Variants in PTPRD observed in about 807,000 individuals in gnomAD.
The protein encoded by PTPRD is protein tyrosine phosphatase receptor type D, also known as receptor-type tyrosine-protein phosphatase delta.
Under a neutral mutation model 214.5 loss-of-function variants are expected in PTPRD, and 34 were observed. The observed-to-expected ratio is 0.16, with a 90% CI of 0.12 to 0.21. The LOEUF (loss-of-function observed/expected upper bound fraction) is 0.21, where lower values mean the gene tolerates loss of function less well. Among genes scored for constraint, PTPRD ranks in the 10% least tolerant of loss-of-function variants. The probability of loss-of-function intolerance (pLI) is 1.00; values close to 1 mark genes in which losing one functional copy is unlikely to be tolerated. For synonymous variants in PTPRD, 1,128 were observed against 845.7 expected (o/e 1.33, Z -5.79); for missense variants, 2,545 against 2,398.7 (o/e 1.06, Z -1.27).
chr9:9,392,447 G>C (rs1341372554), intron 9 of PTPRD, among the ~76,000 whole-genome samples: 1 of 152,144 alleles, frequency 6.6e-6, no homozygotes, highest in Non-Finnish European at 1.5e-5. Context: ...ATTCAACTGA[G>C]ATAAAATTGT....
intron 2 of PTPRD, among the ~76,000 whole-genome samples, chr9:10,472,452 A>T (rs2099037063): frequency 6.7e-6 from 1 of 149,238 alleles, no homozygotes; most frequent in East Asian, 1.9e-4. Context: ...TCTTTAACAT[A>T]GGATGTCTGG....
chr9:8,602,373 C>G (rs1168434081), intron 14 of PTPRD, among the ~76,000 whole-genome samples: 4 of 152,138 alleles, frequency 2.6e-5, no homozygotes, highest in African/African-American at 9.7e-5. Context: ...GGTGGTGCTT[C>G]TTCTCTCCAC....
At chr9:8,506,551 AG>A (rs1160439319) in intron 22 of PTPRD, among the ~76,000 whole-genome samples, 1 of 152,200 alleles carries the variant, frequency 6.6e-6, no homozygotes, top group Non-Finnish European at 1.5e-5. Flanking sequence ...CACTAGTGCG[AG>A]ACTTTGAGCA....
intron 8 of PTPRD, among the ~76,000 whole-genome samples, chr9:9,539,249 G>A (rs992958333): frequency 6.6e-5 from 10 of 151,936 alleles, no homozygotes; most frequent in African/African-American, 2.2e-4. Flanking sequence ...ATCAGTGGCA[G>A]GTACCTAGGC....
chr9:9,892,459 G>C (rs1401090688), intron 5 of PTPRD, among the ~76,000 whole-genome samples: 2 of 152,114 alleles, frequency 1.3e-5, no homozygotes, highest in Non-Finnish European at 2.9e-5. Context: ...CAGTGAGCCA[G>C]ACGGAAAGTA....
intron 6 of PTPRD, among the ~76,000 whole-genome samples, chr9:9,754,291 G>A (rs1048478176): frequency 6.6e-6 from 1 of 151,994 alleles, no homozygotes; most frequent in East Asian, 1.9e-4. Context: ...TACACGCCCC[G>A]TAATGAAGAA....
At chr9:8,570,227 G>A in intron 14 of PTPRD, among the ~76,000 whole-genome samples, 1 of 151,956 alleles carries the variant, frequency 6.6e-6, no homozygotes, top group East Asian at 1.9e-4. Context: ...AACAGTAATG[G>A]TCATAATAAA....
At chr9:10,347,271 C>T (rs371953383) in intron 2 of PTPRD, among the ~76,000 whole-genome samples, 1 of 152,092 alleles carries the variant, frequency 6.6e-6, no homozygotes, top group Non-Finnish European at 1.5e-5. Flanking sequence ...TTTTTCCTCT[C>T]AAATTATTTC....
chr9:9,223,120 A>T (rs7041871), intron 9 of PTPRD, among the ~76,000 whole-genome samples: 135,870 of 152,010 alleles, frequency 0.89, 61,372 homozygotes, highest in Non-Finnish European at 0.96. Context: ...GCACTAATAC[A>T]GTATTATAGA....
chr9:10,365,114 A>G (rs1368829053), intron 2 of PTPRD, among the ~76,000 whole-genome samples: 2 of 152,178 alleles, frequency 1.3e-5, no homozygotes, highest in African/African-American at 2.4e-5. Flanking sequence ...TGAAGGACTC[A>G]TCATCTCTTC....
intron 5 of PTPRD, among the ~76,000 whole-genome samples, chr9:9,921,645 T>C (rs2082570222): frequency 6.6e-6 from 1 of 151,804 alleles, no homozygotes; most frequent in Non-Finnish European, 1.5e-5. Context: ...ATTTTTTTTT[T>C]TTTAAACAAA....
chr9:8,315,185 A>ACAT lies in PTPRD; in HGVS notation c.*2686_*2688dup, dbSNP rs1226146211. 10 of 232,698 alleles carry ACAT rather than the reference A, an allele frequency of 4.3e-5. No homozygotes were observed. The highest frequency in any genetic ancestry group is 8.5e-5 in the Non-Finnish European group (10 of 117,440). 14.4% of individuals were successfully genotyped at this position (232,698 alleles called of 1,614,324 possible). On this transcript the variant is annotated 3_prime_UTR_variant, in exon 46 of 46. Coordinates refer to ENST00000381196, the MANE Select transcript of PTPRD (RefSeq NM_002839.4). ...TACAGAAAAGCACAGAGTGGAATGCACATCAATGACAGTAAGGGAGTTAGT... is the reference window on the plus strand; with the variant it reads ...TACAGAAAAGCACAGAGTGGAATGCACATCATCAATGACAGTAAGGGAGTTAGT...
chr9:8,813,227 A>C (rs901552605), intron 11 of PTPRD, among the ~76,000 whole-genome samples: 5 of 152,072 alleles, frequency 3.3e-5, no homozygotes, highest in Admixed American at 6.6e-5. Flanking sequence ...TTAAGTCTGC[A>C]TATGAGACCA....
intron 11 of PTPRD, among the ~76,000 whole-genome samples, chr9:8,832,181 A>G (rs2097308332): frequency 6.6e-6 from 1 of 151,894 alleles, no homozygotes; most frequent in South Asian, 2.1e-4. Context: ...GTACCTAAAT[A>G]TATTTAAGAA....
At chr9:10,459,784 T>C (rs1201587300) in intron 2 of PTPRD, among the ~76,000 whole-genome samples, 1 of 152,064 alleles carries the variant, frequency 6.6e-6, no homozygotes, top group Non-Finnish European at 1.5e-5. Context: ...AAGTTCCTTG[T>C]GGATTCTGGA....
intron 10 of PTPRD, among the ~76,000 whole-genome samples, chr9:9,115,449 G>C (rs953659350): frequency 2.6e-5 from 4 of 152,208 alleles, no homozygotes; most frequent in Admixed American, 6.5e-5. Context: ...ACCCCAGCCA[G>C]AATGGCTTTT....
chr9:10,522,292 G>C (rs1006141431), intron 2 of PTPRD, among the ~76,000 whole-genome samples: 2 of 152,080 alleles, frequency 1.3e-5, no homozygotes, highest in South Asian at 2.1e-4. Context: ...TAAAATATGA[G>C]GCTCTGAATA....
intron 35 of PTPRD, among the ~76,000 whole-genome samples, chr9:8,435,587 G>A (rs148420419): frequency 1.2e-3 from 175 of 152,072 alleles, no homozygotes; most frequent in African/African-American, 3.2e-3. Context: ...AACAATTATC[G>A]TCCAGTTATC....
chr9:9,322,170 T>C (rs1034613657), intron 9 of PTPRD, among the ~76,000 whole-genome samples: 1 of 152,268 alleles, frequency 6.6e-6, no homozygotes, highest in Middle Eastern at 3.4e-3. Context: ...GGTCTTAAAG[T>C]ATTGTAGCTT....
Sources: gnomAD v4.1 joint callset for allele counts (sites outside exome capture counted in the v4.1 genomes callset) on GRCh38, gnomAD v4.1.1 for gene constraint, MANE v1.5 for transcripts, NCBI Gene and HGNC (gene_info 2026-07-23, HGNC 2026-07-21) for gene names.